Variants in CABIN1 observed in about 807,000 individuals in gnomAD.
CABIN1 encodes calcineurin binding protein 1, also known as calcineurin-binding protein cabin-1.
In CABIN1, 133 loss-of-function variants were observed where a neutral mutation model predicts 227.7. The observed-to-expected ratio is 0.58, with a 90% CI of 0.51 to 0.67. The LOEUF (loss-of-function observed/expected upper bound fraction) is 0.67. Among genes scored for constraint, CABIN1 ranks in the 30% least tolerant of loss-of-function variants. The pLI is 0.00. For synonymous variants in CABIN1, 1,086 were observed against 1,155.1 expected (o/e 0.94, Z 1.21); for missense variants, 2,408 against 2,852.5 (o/e 0.84, Z 3.55).
At chr22:24,041,412 G>A (rs2037363343) in intron 5 of CABIN1, 139 bp downstream of exon 5, 4 of 1,061,632 alleles carry the variant, frequency 3.8e-6, no homozygotes, top group Non-Finnish European at 5.7e-6. Context: ...CTCTAGGGTA[G>A]GTCCATAGGT....
chr22:24,152,424 T>G (rs867767767), intron 29 of CABIN1, among the ~76,000 whole-genome samples: 1 of 151,980 alleles, frequency 6.6e-6, no homozygotes, highest in Non-Finnish European at 1.5e-5. Context: ...TCTCGACCGT[T>G]GGGGAAAGGA....
chr22:24,097,037 G>A lies in CABIN1; in HGVS notation c.3938+955G>A, dbSNP rs1212374176. On this transcript the variant is annotated intron_variant, in intron 25 of 36. Transcript: ENST00000263119. ...AGCTCCACAGTCGGTGTGCCCCTCA[G>A]GTTATGGGGAGGTTCACGTCCATGC... 2.6e-5 allele frequency among the ~76,000 whole-genome samples: 4 copies of A among 152,242 alleles called. No homozygotes were observed. In the South Asian group the frequency reaches 6.2e-4, roughly 24 times the overall value.
chr22:24,024,258 A>G (rs920389786), intron 1 of CABIN1, among the ~76,000 whole-genome samples: 19 of 152,182 alleles, frequency 1.2e-4, no homozygotes, highest in Middle Eastern at 3.4e-3. Flanking sequence ...GGTTAGTTAC[A>G]TATGTATACA....
intron 1 of CABIN1, among the ~76,000 whole-genome samples, chr22:24,019,136 T>TG (rs1555903481): frequency 3.0e-5 from 4 of 133,810 alleles, no homozygotes; most frequent in Non-Finnish European, 6.4e-5. Context: ...TTTTTTTTTT[T>TG]TTTTTTTTTT....
In CABIN1 at chr22:24,141,247, G is replaced by A. The variant is rs1025963413; in HGVS notation, c.4746+6832G>A. On this transcript the variant is annotated intron_variant, in intron 29 of 36. Transcript: ENST00000263119. Reference sequence around the variant, plus strand: ...TGAGATGTGGATGGTGGCCTTAGCCGTCACACCCACCACACAGGTCTCTTT... The same window carrying A: ...TGAGATGTGGATGGTGGCCTTAGCCATCACACCCACCACACAGGTCTCTTT... Among the ~76,000 whole-genome samples the A allele has an allele frequency of 4.6e-5, 7 of 152,216 alleles. No homozygotes were observed. The South Asian group carries it at 6.2e-4, about 14-fold the overall frequency.
At chr22:24,028,393 TG>T (rs1279974454) in intron 1 of CABIN1, among the ~76,000 whole-genome samples, 1 of 152,070 alleles carries the variant, frequency 6.6e-6, no homozygotes, top group Non-Finnish European at 1.5e-5. Context: ...CGTATGGGAG[TG>T]CTACAGTCCA....
At chr22:24,102,991 A>C (rs990835288) in intron 26 of CABIN1, 2 of 152,462 alleles carry the variant, frequency 1.3e-5, no homozygotes, top group East Asian at 3.9e-4. Flanking sequence ...GCCTCCACCA[A>C]TATTGCCCGT....
chr22:24,140,753 G>A (rs1444592980), intron 29 of CABIN1, among the ~76,000 whole-genome samples: 3 of 152,218 alleles, frequency 2.0e-5, no homozygotes, highest in African/African-American at 7.2e-5. Flanking sequence ...GGCTGGTACT[G>A]CCTCCTGCTT....
chr22:24,155,170 T>C (rs1378750798), intron 29 of CABIN1, among the ~76,000 whole-genome samples: 1 of 152,126 alleles, frequency 6.6e-6, no homozygotes, highest in East Asian at 1.9e-4. Context: ...CAGTGCAGCC[T>C]ACCTTCATGG....
chr22:24,129,466 C>G (rs1202571581), intron 28 of CABIN1, among the ~76,000 whole-genome samples: 3 of 152,244 alleles, frequency 2.0e-5, no homozygotes, highest in Non-Finnish European at 4.4e-5. Context: ...AGCAGCCCCA[C>G]TCACGCCCCA....
At chr22:24,143,042 C>T (rs914281700) in intron 29 of CABIN1, among the ~76,000 whole-genome samples, 1 of 152,184 alleles carries the variant, frequency 6.6e-6, no homozygotes, top group Non-Finnish European at 1.5e-5. Context: ...CTCAGGTCCA[C>T]AGGCCAGCCT....
intron 8 of CABIN1, among the ~76,000 whole-genome samples, chr22:24,051,527 C>T (rs1309548333): frequency 6.6e-6 from 1 of 151,998 alleles, no homozygotes; most frequent in East Asian, 1.9e-4. Context: ...TAGTTTAGTC[C>T]CTTAGCGAGC....
intron 28 of CABIN1, among the ~76,000 whole-genome samples, chr22:24,123,885 G>C (rs548226158): frequency 6.6e-6 from 1 of 152,370 alleles, no homozygotes; most frequent in East Asian, 1.9e-4. Flanking sequence ...GTGGACTGGA[G>C]CATCCGATGT....
At chr22:24,168,258 C>T (rs752163187) in intron 32 of CABIN1, among the ~76,000 whole-genome samples, 189 bp from the exon 33 acceptor site, 4 of 152,226 alleles carry the variant, frequency 2.6e-5, no homozygotes, top group South Asian at 2.1e-4. Flanking sequence ...AGAGCTGGGA[C>T]GTAGGGGTCT....
At chr22:24,040,269 C>T (rs2037264325) in intron 4 of CABIN1, among the ~76,000 whole-genome samples, 1 of 152,160 alleles carries the variant, frequency 6.6e-6, no homozygotes, top group African/African-American at 2.4e-5. Flanking sequence ...ATTTGAGCTT[C>T]TCAGTCTTAA....
chr22:24,165,306 G>A (rs1443504284), intron 30 of CABIN1, among the ~76,000 whole-genome samples: 1 of 152,234 alleles, frequency 6.6e-6, no homozygotes, highest in Non-Finnish European at 1.5e-5. Flanking sequence ...ACTGCAGAGG[G>A]CCTAAGGGCA....
intron 28 of CABIN1, among the ~76,000 whole-genome samples, chr22:24,132,824 G>A (rs1308653418): frequency 6.6e-6 from 1 of 152,196 alleles, no homozygotes; most frequent in African/African-American, 2.4e-5. Context: ...CCGATCTCAG[G>A]TGATCCACCC....
At chr22:24,019,876 T>C (rs953094242) in intron 1 of CABIN1, among the ~76,000 whole-genome samples, 10 of 151,444 alleles carry the variant, frequency 6.6e-5, no homozygotes, top group African/African-American at 2.4e-4. Context: ...AGGCTGGTCT[T>C]GAACTCCCGA....
chr22:24,093,965 G>A (rs1333265688), intron 24 of CABIN1, among the ~76,000 whole-genome samples: 3 of 152,176 alleles, frequency 2.0e-5, no homozygotes, highest in Non-Finnish European at 4.4e-5. Flanking sequence ...CCTGTTGAAC[G>A]CTATCTCAGG....
Sources: gnomAD v4.1 joint callset for allele counts (sites outside exome capture counted in the v4.1 genomes callset) on GRCh38, gnomAD v4.1.1 for gene constraint, MANE v1.5 for transcripts, NCBI Gene and HGNC (gene_info 2026-07-23, HGNC 2026-07-21) for gene names.